PRIM2: variants seen among roughly 807,000 people sequenced by gnomAD.
PRIM2 encodes DNA primase subunit 2, also known as DNA primase large subunit.
Under a neutral mutation model 67.3 loss-of-function variants are expected in PRIM2, and 39 were observed. The ratio of observed to expected loss-of-function variants is 0.58; its 90% CI spans 0.45 to 0.76. The LOEUF is 0.76. Ranked by LOEUF, PRIM2 falls within the 30% of genes least tolerant of loss-of-function variation. The probability of loss-of-function intolerance (pLI) is 0.00; values close to 1 mark genes in which losing one functional copy is unlikely to be tolerated. For synonymous variants in PRIM2, 143 were observed against 198.7 expected (o/e 0.72, Z 2.36); for missense variants, 398 against 598.7 (o/e 0.66, Z 3.50).
the PRIM2 span, among the ~76,000 whole-genome samples, chr6:57,227,458 A>G: frequency 6.6e-6 from 1 of 152,186 alleles, no homozygotes; most frequent in Non-Finnish European, 1.5e-5. Context: ...AGCCTGGCCA[A>G]CATGGTGAAA....
chr6:57,335,043 A>T (rs993098419), intron 5 of PRIM2, among the ~76,000 whole-genome samples: 2 of 152,198 alleles, frequency 1.3e-5, no homozygotes, highest in African/African-American at 4.8e-5. Context: ...GCATTGCCTC[A>T]CTCGGGAAGT....
the PRIM2 span, among the ~76,000 whole-genome samples, chr6:57,300,170 G>A: frequency 6.6e-6 from 1 of 152,210 alleles, no homozygotes; most frequent in Admixed American, 6.5e-5. Flanking sequence ...GACTTTCCCT[G>A]CATCAGAAGC....
At position 57,352,008 on chromosome 6, in the gene PRIM2, A is replaced by G. The variant is rs542829942; in HGVS notation, c.459+25963A>G. Among the ~76,000 whole-genome samples the G allele has an allele frequency of 1.3e-3, 203 of 152,324 alleles. 1 individual carries two copies. The highest frequency in any genetic ancestry group is 4.8e-3 in the African/African-American group (201 of 41,576). Reference sequence around the variant, plus strand: ...GTTGTGAAATTGAATGGAATCATCTATGTAAATTGCATAGAGCTTGGCAGG... The same window carrying G: ...GTTGTGAAATTGAATGGAATCATCTGTGTAAATTGCATAGAGCTTGGCAGG... On this transcript the variant is annotated intron_variant, in intron 5 of 13. Coordinates refer to ENST00000615550, the MANE Select transcript of PRIM2 (RefSeq NM_000947.5).
intron 5 of PRIM2, among the ~76,000 whole-genome samples, chr6:57,326,716 G>A (rs541107004): frequency 3.5e-4 from 51 of 145,502 alleles, no homozygotes; most frequent in Non-Finnish European, 3.8e-4. Context: ...GCAAGACTCC[G>A]TCTCAAAAAA....
At chr6:57,554,121 A>C (rs2127475869) in intron 10 of PRIM2, among the ~76,000 whole-genome samples, 1 of 151,858 alleles carries the variant, frequency 6.6e-6, no homozygotes, top group African/African-American at 2.4e-5. Flanking sequence ...CAATTTGAAT[A>C]ATGCCTTGGT....
At chr6:57,567,589 G>A (rs1775768033) in intron 10 of PRIM2, among the ~76,000 whole-genome samples, 1 of 152,144 alleles carries the variant, frequency 6.6e-6, no homozygotes, top group Non-Finnish European at 1.5e-5. Flanking sequence ...TTCCCCAAGT[G>A]CAGTAGGAAA....
intron 5 of PRIM2, among the ~76,000 whole-genome samples, chr6:57,359,524 A>T (rs1462592930): frequency 6.6e-6 from 1 of 152,220 alleles, no homozygotes; most frequent in Non-Finnish European, 1.5e-5. Context: ...TGACCATCAG[A>T]ATTGAGAGCT....
chr6:57,547,422 C>G (rs1775311168), intron 10 of PRIM2, among the ~76,000 whole-genome samples: 1 of 152,250 alleles, frequency 6.6e-6, no homozygotes, highest in Admixed American at 6.5e-5. Context: ...GTCTATTGGT[C>G]CTATCTCTAT....
At chr6:57,363,310 G>A (rs1455684074) in intron 5 of PRIM2, among the ~76,000 whole-genome samples, 2 of 152,092 alleles carry the variant, frequency 1.3e-5, no homozygotes, top group East Asian at 1.9e-4. Flanking sequence ...ATATATGTAA[G>A]CAATTAGTAA....
chr6:57,516,985 T>TA (rs1774500874), intron 8 of PRIM2, among the ~76,000 whole-genome samples: 1 of 152,190 alleles, frequency 6.6e-6, no homozygotes, highest in Non-Finnish European at 1.5e-5. Flanking sequence ...TTTTGTAGCT[T>TA]ATCTCCAACC....
At chr6:57,337,017 C>A (rs1490071706) in intron 5 of PRIM2, among the ~76,000 whole-genome samples, 1 of 152,128 alleles carries the variant, frequency 6.6e-6, no homozygotes, top group East Asian at 1.9e-4. Context: ...GGAGGAAGAT[C>A]TACCAAGCAA....
At chr6:57,579,336 G>A (rs1377598114) in intron 10 of PRIM2, among the ~76,000 whole-genome samples, 2 of 152,122 alleles carry the variant, frequency 1.3e-5, no homozygotes, top group Admixed American at 6.5e-5. Flanking sequence ...TACAGGAACA[G>A]TCTGGCTTGT....
chr6:57,553,276 A>G (rs1344552409), intron 10 of PRIM2, among the ~76,000 whole-genome samples: 1 of 152,178 alleles, frequency 6.6e-6, no homozygotes, highest in Non-Finnish European at 1.5e-5. Flanking sequence ...TTATAATTTG[A>G]TGTCTCTTTA....
chr6:57,419,820 C>T (rs1425988426), intron 7 of PRIM2, among the ~76,000 whole-genome samples: 1 of 152,006 alleles, frequency 6.6e-6, no homozygotes, highest in Non-Finnish European at 1.5e-5. Flanking sequence ...TTACTCCCAC[C>T]AATATAGAAG....
At chr6:57,427,344 C>T (rs1771666551) in intron 7 of PRIM2, among the ~76,000 whole-genome samples, 1 of 152,076 alleles carries the variant, frequency 6.6e-6, no homozygotes, top group South Asian at 2.1e-4. Flanking sequence ...TTCTTTGAGA[C>T]TTGTCGCTCT....
At chr6:57,569,992 T>G (rs1775831971) in intron 10 of PRIM2, among the ~76,000 whole-genome samples, 3 of 152,294 alleles carry the variant, frequency 2.0e-5, no homozygotes, top group East Asian at 3.9e-4. Flanking sequence ...TCCGCCCGCC[T>G]TGGCCTCCCA....
intron 8 of PRIM2, among the ~76,000 whole-genome samples, chr6:57,514,955 A>T (rs1188895416): frequency 6.6e-6 from 1 of 152,192 alleles, no homozygotes; most frequent in Non-Finnish European, 1.5e-5. Flanking sequence ...TATGAGAAGC[A>T]GTATCTGCAT....
At chr6:57,600,336 GATTATTATTATTATTATTATT>G (rs1190863948) in intron 10 of PRIM2, among the ~76,000 whole-genome samples, 3 of 146,424 alleles carry the variant, frequency 2.0e-5, no homozygotes, top group South Asian at 2.2e-4. Context: ...CAGAGGAAGG[GATTATTATTATTATTATTATT>G]ATTATTATTA....
chr6:57,272,634 T>C, the PRIM2 span, among the ~76,000 whole-genome samples: 1 of 152,210 alleles, frequency 6.6e-6, no homozygotes, highest in African/African-American at 2.4e-5. Flanking sequence ...ACATTCAAAG[T>C]TAATATTGTT....
Sources: allele counts gnomAD v4.1 joint callset (sites outside exome capture counted in the v4.1 genomes callset), GRCh38; gene constraint gnomAD v4.1.1; transcripts MANE v1.5; gene names NCBI Gene and HGNC (gene_info 2026-07-23, HGNC 2026-07-21).